LPCAT1: variants seen among roughly 807,000 people sequenced by gnomAD.
The protein encoded by LPCAT1 is lysophosphatidylcholine acyltransferase 1.
In LPCAT1, 23 loss-of-function variants were observed where a neutral mutation model predicts 60.9. The ratio of observed to expected loss-of-function variants is 0.38; its 90% confidence interval spans 0.27 to 0.53. The LOEUF (loss-of-function observed/expected upper bound fraction) is 0.53. Ranked by LOEUF, LPCAT1 falls within the 20% of genes least tolerant of loss-of-function variation. The pLI is 0.82. For synonymous variants in LPCAT1, 340 were observed against 301.1 expected (o/e 1.13, Z -1.34); for missense variants, 622 against 723.6 (o/e 0.86, Z 1.61).
At chr5:1,516,964 T>C (rs759465551) in intron 1 of LPCAT1, among the ~76,000 whole-genome samples, 2 of 152,232 alleles carry the variant, frequency 1.3e-5, no homozygotes, top group East Asian at 1.9e-4. Context: ...CAGGGATGCA[T>C]TGGTTTTAAT....
chr5:1,498,381 T>G (rs1406211257), intron 2 of LPCAT1, among the ~76,000 whole-genome samples: 1 of 152,158 alleles, frequency 6.6e-6, no homozygotes, highest in Non-Finnish European at 1.5e-5. Flanking sequence ...CTTTCATCAG[T>G]GCTGCTGAAG....
In LPCAT1 at chr5:1,483,410, C is replaced by T. The variant is rs981599905; in HGVS notation, c.726+18G>A. ...GGAGAATTCCCCTGGAAGCTGACCC[C>T]AAAAAAACACAACTCACCAGTTTAT... On this transcript the variant is annotated intron_variant, in intron 6 of 13. Transcript: ENST00000283415. The surrounding 1 kb of genome is among the most constrained non-coding windows in gnomAD (Gnocchi z 9.2). 6.2e-7 allele frequency: 1 copy of T among 1,613,392 alleles called. No individual in the cohort carries two copies. The highest frequency in any genetic ancestry group is 1.1e-5 in the South Asian group (1 of 91,070).
chr5:1,505,055 G>A (rs1400009521), intron 1 of LPCAT1, among the ~76,000 whole-genome samples: 2 of 148,250 alleles, frequency 1.3e-5, no homozygotes, highest in South Asian at 2.1e-4. Context: ...AGTAACCCAC[G>A]CTGTTCCTGA....
chr5:1,512,044 A>G (rs1039012502), intron 1 of LPCAT1, among the ~76,000 whole-genome samples: 2 of 152,190 alleles, frequency 1.3e-5, no homozygotes, highest in East Asian at 1.9e-4. Context: ...AGGAGGCTCC[A>G]CCTGGGCAGC....
intron 12 of LPCAT1, 139 bp from the exon 13 acceptor site, chr5:1,467,029 A>G: frequency 2.2e-6 from 2 of 889,334 alleles, no homozygotes; most frequent in South Asian, 8.4e-5. Flanking sequence ...GACACGGGGG[A>G]CTCGAACTTC....
chr5:1,489,854 C>G lies in LPCAT1; in HGVS notation c.498G>C (p.Leu166=). 1 of 1,608,612 alleles carries G rather than the reference C, an allele frequency of 6.2e-7. No individual in the cohort carries two copies. Among genetic ancestry groups the G allele is most frequent in the Non-Finnish European group, 8.5e-7 (1 of 1,174,990 alleles). ...ESRDIPIWGT[L]IQYIRPVFVS... ...CGAACACAGGCCGTATATACTGGAT[C>G]AGAGCTGGAAGAGAGGAGGGGAGAC... is the stretch of plus-strand genomic sequence containing the variant. Residue 166 remains leucine (L), a synonymous_variant, in exon 4 of 14, where the codon CTG becomes CTC. Coordinates refer to ENST00000283415, the MANE Select transcript of LPCAT1 (RefSeq NM_024830.5).
At position 1,502,647 on chromosome 5, in the gene LPCAT1, C is replaced by T. The variant is rs1348994554; in HGVS notation, c.136-1044G>A. On this transcript the variant is annotated intron_variant, in intron 1 of 13. Coordinates refer to ENST00000283415, the MANE Select transcript of LPCAT1 (RefSeq NM_024830.5). The surrounding 1 kb of genome is among the most constrained non-coding windows in gnomAD (Gnocchi z 5.5). ...GCGGGCAGGACTCCGTGTAGAGGGGCGGGAGGCTTTGGGTGAGGGGAAACA... is the reference window on the plus strand; with the variant it reads ...GCGGGCAGGACTCCGTGTAGAGGGGTGGGAGGCTTTGGGTGAGGGGAAACA... 6.6e-6 allele frequency among the ~76,000 whole-genome samples: 1 copy of T among 151,866 alleles called. No individual in the cohort carries two copies. Among genetic ancestry groups the T allele is most frequent in the East Asian group, 1.9e-4 (1 of 5,170 alleles).
intron 1 of LPCAT1, among the ~76,000 whole-genome samples, chr5:1,519,128 CA>C (rs1387347494): frequency 6.6e-6 from 1 of 152,234 alleles, no homozygotes; most frequent in Non-Finnish European, 1.5e-5. Context: ...AACAGGAGTG[CA>C]AAGACAGTGT....
intron 1 of LPCAT1, among the ~76,000 whole-genome samples, chr5:1,509,432 G>C (rs531159126): frequency 2.0e-4 from 31 of 152,376 alleles, no homozygotes; most frequent in African/African-American, 7.2e-4. Context: ...ACAGGCGCCT[G>C]CTGTCCAAGG....
chr5:1,479,822 C>CACCCAGCCCGA, intron 7 of LPCAT1, 147 bp from the exon 8 acceptor site: 1 of 658,500 alleles, frequency 1.5e-6, no homozygotes, highest in South Asian at 1.7e-5. Context: ...GTGCCGTGCC[C>CACCCAGCCCGA]ACCCAGCCCG....
chr5:1,465,116 G>GGTAAC, intron 13 of LPCAT1, among the ~76,000 whole-genome samples: 1 of 140,536 alleles, frequency 7.1e-6, no homozygotes, highest in Non-Finnish European at 1.5e-5. Context: ...CCACACACAT[G>GGTAAC]CACACACACA....
chr5:1,470,500 G>A (rs1053447423), intron 12 of LPCAT1, among the ~76,000 whole-genome samples: 5 of 152,212 alleles, frequency 3.3e-5, no homozygotes, highest in Admixed American at 2.6e-4. Context: ...GGGGAGAGAG[G>A]ACAAGGTGTG....
chr5:1,509,758 G>A (rs182148687), intron 1 of LPCAT1, among the ~76,000 whole-genome samples: 10 of 152,272 alleles, frequency 6.6e-5, no homozygotes, highest in East Asian at 3.9e-4. Flanking sequence ...CAGCGATCAC[G>A]CCCACAATGA....
intron 1 of LPCAT1, among the ~76,000 whole-genome samples, chr5:1,516,988 T>C (rs1403956840): frequency 1.3e-5 from 2 of 152,132 alleles, no homozygotes; most frequent in African/African-American, 4.8e-5. Flanking sequence ...GCAAAAAGTA[T>C]CCCCCAGGGT....
intron 1 of LPCAT1, among the ~76,000 whole-genome samples, chr5:1,518,342 T>C (rs1016810799): frequency 6.6e-6 from 1 of 152,194 alleles, no homozygotes; most frequent in East Asian, 1.9e-4. Context: ...AACTTTTTCT[T>C]TATCTTTTTC....
At chr5:1,475,871 C>T (rs1291115792) in intron 9 of LPCAT1, among the ~76,000 whole-genome samples, 1 of 150,116 alleles carries the variant, frequency 6.7e-6, no homozygotes, top group Non-Finnish European at 1.5e-5. Context: ...ATCTCCACTC[C>T]GAGTGGGGCT....
chr5:1,496,553 C>T lies in LPCAT1; in HGVS notation c.279-1639G>A, dbSNP rs1437284481. 2.0e-5 allele frequency among the ~76,000 whole-genome samples: 3 copies of T among 151,900 alleles called. No individual in the cohort carries two copies. Among genetic ancestry groups the T allele is most frequent in the South Asian group, 4.2e-4 (2 of 4,818 alleles). ...GGCGGGCACAGGAGCCAGTCTCGGGCAGGTTCAGGGGCAGGAGAGAGGACA... is the reference window on the plus strand; with the variant it reads ...GGCGGGCACAGGAGCCAGTCTCGGGTAGGTTCAGGGGCAGGAGAGAGGACA... On this transcript the variant is annotated intron_variant, in intron 2 of 13. Transcript: ENST00000283415. The surrounding 1 kb of genome is among the most constrained non-coding windows in gnomAD (Gnocchi z 4.7).
chr5:1,494,390 G>A (rs1381731763), intron 3 of LPCAT1, among the ~76,000 whole-genome samples: 3 of 152,010 alleles, frequency 2.0e-5, no homozygotes, highest in African/African-American at 4.8e-5. Context: ...GGCGGTGGGG[G>A]CTCGATCACT....
At position 1,480,930 on chromosome 5, in the gene LPCAT1, C is replaced by T. The variant is rs768551240; in HGVS notation, c.761+12G>A. ...CAACAGGACAAAGAGGACGACACGG[C>T]GTTCAACTTACGCTCCAGGTCCTTG... On this transcript the variant is annotated intron_variant, in intron 7 of 13. Coordinates refer to ENST00000283415, the MANE Select transcript of LPCAT1 (RefSeq NM_024830.5). This position sits in a 1 kb window ranked among gnomAD's most constrained non-coding sequence, Gnocchi z 6.4. 52 of 1,613,722 alleles carry T rather than the reference C, an allele frequency of 3.2e-5. No homozygotes were observed. Among genetic ancestry groups the T allele is most frequent in the South Asian group, 2.1e-4 (19 of 91,092 alleles).
Sources: allele counts gnomAD v4.1 joint callset (sites outside exome capture counted in the v4.1 genomes callset), GRCh38; gene constraint gnomAD v4.1.1; non-coding constraint Gnocchi (gnomAD v3.1); transcripts MANE v1.5; gene names NCBI Gene and HGNC (gene_info 2026-07-23, HGNC 2026-07-21).